DENND5A: variants seen among roughly 807,000 people sequenced by gnomAD.
DENND5A encodes DENN domain containing 5A.
Under a neutral mutation model 140.3 loss-of-function variants are expected in DENND5A, and 64 were observed. That is an observed-to-expected ratio of 0.46 (90% confidence interval 0.37 to 0.56). DENND5A has a LOEUF of 0.56. DENND5A is among the 20% of genes least tolerant of loss of function. The pLI is 0.00. For synonymous variants in DENND5A, 605 were observed against 607.7 expected (o/e 1.00, Z 0.07); for missense variants, 1,292 against 1,593.8 (o/e 0.81, Z 3.22).
At chr11:9,170,594 A>AT in intron 9 of DENND5A, 33 bp downstream of exon 9, 1 of 1,612,654 alleles carries the variant, frequency 6.2e-7, no homozygotes. Context: ...ACAGCTAGGG[A>AT]GTTGGATTAG....
At chr11:9,256,260 G>A (rs575301963) in intron 1 of DENND5A, among the ~76,000 whole-genome samples, 22 of 152,212 alleles carry the variant, frequency 1.4e-4, no homozygotes, top group African/African-American at 5.3e-4. Context: ...AGGAGTTCAA[G>A]ACCAGCCTGG....
intron 2 of DENND5A, 121 bp from the exon 3 acceptor site, chr11:9,206,903 CA>C (rs1849709604): frequency 2.9e-6 from 2 of 686,494 alleles, no homozygotes; most frequent in Admixed American, 5.2e-5. Flanking sequence ...GTTAGTATGC[CA>C]ACCATCTAAG....
At chr11:9,224,489 G>A (rs970657296) in intron 1 of DENND5A, among the ~76,000 whole-genome samples, 3 of 152,088 alleles carry the variant, frequency 2.0e-5, no homozygotes, top group Non-Finnish European at 4.4e-5. Flanking sequence ...TTTGTTAGAT[G>A]TTATTCTCTG....
chr11:9,156,626 CAAAA>C (rs763078353), intron 12 of DENND5A, among the ~76,000 whole-genome samples: 1 of 89,806 alleles, frequency 1.1e-5, no homozygotes. Context: ...GACTCCGTCT[CAAAA>C]AAAAAAAAAA....
At position 9,180,969 on chromosome 11, in the gene DENND5A, A is replaced by C. The variant is rs1848710196; in HGVS notation, c.1253T>G (p.Phe418Cys). Residue 418 changes from phenylalanine to cysteine, a missense_variant, in exon 6 of 23, where the codon TTT becomes TGT. This residue lies in a region of DENND5A where 566 missense variants were observed against 650.4 expected (regional missense o/e 0.87). Transcript: ENST00000328194. ...AAGATTCCCTTCAGGGGGAATTCCA[A>C]ATGCCATGAGAATCTCAGAGACTTC... Reference protein sequence around the residue: ...VQEVSEILMAFGIPPEGNLHC... With the variant: ...VQEVSEILMACGIPPEGNLHC... 1.2e-6 allele frequency: 2 copies of C among 1,614,046 alleles called. No homozygotes were observed. Among genetic ancestry groups the C allele is most frequent in the Admixed American group, 3.3e-5 (2 of 60,000 alleles).
At chr11:9,262,067 TATCC>T (rs1852227295) in intron 1 of DENND5A, among the ~76,000 whole-genome samples, 1 of 152,174 alleles carries the variant, frequency 6.6e-6, no homozygotes. Flanking sequence ...AATTAACACA[TATCC>T]ATTAAGACAG....
chr11:9,207,555 T>C lies in DENND5A; in HGVS notation c.181+6A>G. ...TTGGGTGTTCTCAATTTTGTTTTGT[T>C]TTTACCTTCAGTCGTACTTGAAATG... is the stretch of plus-strand genomic sequence containing the variant. On this transcript the variant is annotated splice_donor_region_variant and intron_variant, in intron 2 of 22. Transcript: ENST00000328194. 6.2e-7 allele frequency: 1 copy of C among 1,611,150 alleles called. No individual in the cohort carries two copies.
At chr11:9,232,228 G>A (rs139957749) in intron 1 of DENND5A, among the ~76,000 whole-genome samples, 3 of 152,088 alleles carry the variant, frequency 2.0e-5, no homozygotes, top group Non-Finnish European at 2.9e-5. Context: ...AGAGAAAAAC[G>A]TATAAATTGT....
rs967360311 is a variant in DENND5A at position 9,143,551 on chromosome 11, A to G, written c.3305-66T>C. The G allele has an allele frequency of 3.8e-5, 50 of 1,326,452 alleles. No homozygotes were observed. The Middle Eastern group carries it at 5.5e-4, about 15-fold the overall frequency. 82.2% of individuals were successfully genotyped at this position (1,326,452 alleles called of 1,614,324 possible). ...GCTAACAGTGCTTAGCTGCCTGAGCAGGAGACTGAGGACACGGGGAGGGCC... is the reference window on the plus strand; with the variant it reads ...GCTAACAGTGCTTAGCTGCCTGAGCGGGAGACTGAGGACACGGGGAGGGCC... On this transcript the variant is annotated intron_variant, in intron 19 of 22. Coordinates refer to ENST00000328194, the MANE Select transcript of DENND5A (RefSeq NM_015213.4).
At chr11:9,163,625 G>A (rs1285246795) in intron 11 of DENND5A, among the ~76,000 whole-genome samples, 1 of 151,982 alleles carries the variant, frequency 6.6e-6, no homozygotes, top group Non-Finnish European at 1.5e-5. Context: ...TCAATATGAT[G>A]AAACCCTGTC....
intron 1 of DENND5A, among the ~76,000 whole-genome samples, chr11:9,208,402 G>A (rs905683167): frequency 6.6e-6 from 1 of 152,140 alleles, no homozygotes; most frequent in Admixed American, 6.5e-5. Flanking sequence ...GGAACCTAAA[G>A]GGACTTGTGG....
intron 13 of DENND5A, among the ~76,000 whole-genome samples, chr11:9,151,062 A>G (rs1273718283): frequency 6.6e-6 from 1 of 152,190 alleles, no homozygotes; most frequent in Non-Finnish European, 1.5e-5. Context: ...TGCTTTGCCT[A>G]TGTCACCAAG....
chr11:9,175,890 C>T (rs1473247730), intron 8 of DENND5A, among the ~76,000 whole-genome samples: 1 of 152,176 alleles, frequency 6.6e-6, no homozygotes, highest in East Asian at 1.9e-4. Context: ...GGTAAAATCT[C>T]TATGTGACCT....
At position 9,203,955 on chromosome 11, in the gene DENND5A, T is replaced by C. The variant is rs1248914284; in HGVS notation, c.654A>G (p.Ala218=). The change falls in exon 4 of 23, where the codon GCA becomes GCG. Residue 218 remains alanine (A), a synonymous_variant. Coordinates refer to ENST00000328194, the MANE Select transcript of DENND5A (RefSeq NM_015213.4). ...CLITPMSFMK[A]CRSVLEQLHQ... ...GGAGTTGCTCCAGCACGCTCCGACA[T>C]GCCTTCATGAAAGACATGGGTGTGA... The C allele has an allele frequency of 6.2e-7, 1 of 1,614,154 alleles. No homozygotes were observed. The highest frequency in any genetic ancestry group is 1.1e-5 in the South Asian group (1 of 91,080).
chr11:9,144,343 T>G, intron 18 of DENND5A, 65 bp from the exon 19 acceptor site: 1 of 1,533,092 alleles, frequency 6.5e-7, no homozygotes, highest in Non-Finnish European at 8.9e-7. Flanking sequence ...GGAAGAGCCA[T>G]CAACAAAGCC....
chr11:9,246,800 G>C (rs555975358), intron 1 of DENND5A, among the ~76,000 whole-genome samples: 15 of 152,112 alleles, frequency 9.9e-5, no homozygotes, highest in Admixed American at 7.2e-4. Flanking sequence ...GAAAATCTTT[G>C]CATCTACCTA....
intron 12 of DENND5A, among the ~76,000 whole-genome samples, chr11:9,160,471 T>A (rs72857991): frequency 0.16 from 24,099 of 152,282 alleles, 2,425 homozygotes; most frequent in Middle Eastern, 0.22. Context: ...GGCCTTCAGC[T>A]CTACCCCCAG....
intron 1 of DENND5A, among the ~76,000 whole-genome samples, chr11:9,257,017 A>C (rs1271813095): frequency 6.6e-6 from 1 of 151,922 alleles, no homozygotes; most frequent in Non-Finnish European, 1.5e-5. Flanking sequence ...TATTCATGTC[A>C]ATGCTTCTTT....
intron 1 of DENND5A, among the ~76,000 whole-genome samples, chr11:9,243,016 A>T (rs968232678): frequency 2.8e-5 from 4 of 143,384 alleles, no homozygotes; most frequent in Non-Finnish European, 6.0e-5. Context: ...TGAGCCCAGG[A>T]GGCAGAAGTT....
Sources: allele counts gnomAD v4.1 joint callset (sites outside exome capture counted in the v4.1 genomes callset), GRCh38; gene constraint gnomAD v4.1.1; regional missense constraint gnomAD v4.1.1; transcripts MANE v1.5; gene names NCBI Gene and HGNC (gene_info 2026-07-23, HGNC 2026-07-21).